Variants in GRB2 observed in about 807,000 individuals in gnomAD.
The protein encoded by GRB2 is growth factor receptor-bound protein 2.
Under a neutral mutation model 27.4 loss-of-function variants are expected in GRB2, and 2 were observed. The ratio of observed to expected loss-of-function variants is 0.07; its 90% CI spans 0.03 to 0.23. The LOEUF is 0.23. Ranked by LOEUF, GRB2 falls within the 10% of genes least tolerant of loss-of-function variation. The probability of loss-of-function intolerance (pLI) is 1.00; values close to 1 mark genes in which losing one functional copy is unlikely to be tolerated. For synonymous variants in GRB2, 94 were observed against 99.6 expected (o/e 0.94, Z 0.33); for missense variants, 102 against 282.4 (o/e 0.36, Z 4.58).
At chr17:75,330,560 G>C (rs561981841) in intron 3 of GRB2, among the ~76,000 whole-genome samples, 1 of 152,224 alleles carries the variant, frequency 6.6e-6, no homozygotes, top group South Asian at 2.1e-4. Flanking sequence ...TGTAGTCCCA[G>C]CTACTCGGCA....
At chr17:75,332,857 G>C in intron 2 of GRB2, 60 bp from the exon 3 acceptor site, 1 of 1,088,352 alleles carries the variant, frequency 9.2e-7, no homozygotes, top group Non-Finnish European at 1.4e-6. Context: ...TAAAAAGATA[G>C]TTACAAGACA....
chr17:75,404,411 G>T (rs990878165), intron 1 of GRB2, among the ~76,000 whole-genome samples: 1 of 152,040 alleles, frequency 6.6e-6, no homozygotes, highest in South Asian at 2.1e-4. Flanking sequence ...AGCAAGGAAA[G>T]AGAGTCTCTT....
intron 2 of GRB2, among the ~76,000 whole-genome samples, chr17:75,350,656 T>C (rs1354719694): frequency 6.6e-6 from 1 of 152,118 alleles, no homozygotes; most frequent in Non-Finnish European, 1.5e-5. Flanking sequence ...CACGCGCAGC[T>C]AATTTTTTTG....
At chr17:75,343,536 G>C (rs183396211) in intron 2 of GRB2, among the ~76,000 whole-genome samples, 1 of 152,134 alleles carries the variant, frequency 6.6e-6, no homozygotes, top group Non-Finnish European at 1.5e-5. Context: ...AAGATAACTA[G>C]GATATGCTCA....
intron 2 of GRB2, among the ~76,000 whole-genome samples, chr17:75,341,188 T>G (rs2078618385): frequency 6.6e-6 from 1 of 152,016 alleles, no homozygotes; most frequent in Non-Finnish European, 1.5e-5. Context: ...TCCCAGCACT[T>G]TGGCATGCTG....
At chr17:75,390,107 A>G (rs1352034215) in intron 2 of GRB2, among the ~76,000 whole-genome samples, 1 of 152,196 alleles carries the variant, frequency 6.6e-6, no homozygotes, top group Non-Finnish European at 1.5e-5. Context: ...TGCTTTGAAG[A>G]TCTCAATGTG....
At chr17:75,385,810 C>G (rs183954969) in intron 2 of GRB2, among the ~76,000 whole-genome samples, 16 of 152,316 alleles carry the variant, frequency 1.1e-4, no homozygotes, top group Admixed American at 9.8e-4. Context: ...TCCATTTAAA[C>G]GTTTCTCTGT....
intron 2 of GRB2, among the ~76,000 whole-genome samples, chr17:75,358,916 A>ATAAAT (rs1555611094): frequency 0.049 from 3,846 of 77,944 alleles, 272 homozygotes; most frequent in Non-Finnish European, 0.08. Context: ...TATATATATA[A>ATAAAT]ATATATATAT....
intron 2 of GRB2, among the ~76,000 whole-genome samples, chr17:75,377,920 C>T (rs1016587596): frequency 2.0e-5 from 3 of 152,120 alleles, no homozygotes; most frequent in East Asian, 1.9e-4. Flanking sequence ...AAACAACCCA[C>T]GAAGAAACAA....
chr17:75,362,831 C>A (rs1282340158), intron 2 of GRB2, among the ~76,000 whole-genome samples: 1 of 152,164 alleles, frequency 6.6e-6, no homozygotes, highest in Non-Finnish European at 1.5e-5. Flanking sequence ...CCACCTCCAG[C>A]CAAGCTCACC....
At chr17:75,366,684 C>T (rs1476980398) in intron 2 of GRB2, among the ~76,000 whole-genome samples, 1 of 151,908 alleles carries the variant, frequency 6.6e-6, no homozygotes, top group Admixed American at 6.6e-5. Flanking sequence ...GTAGTGCATG[C>T]CTGTAGTTTC....
At chr17:75,387,947 GTC>G (rs565751864) in intron 2 of GRB2, among the ~76,000 whole-genome samples, 127 of 152,200 alleles carry the variant, frequency 8.3e-4, no homozygotes, top group African/African-American at 3.0e-3. Flanking sequence ...TCTTCAGCCA[GTC>G]TCCCAAAAAG....
intron 2 of GRB2, among the ~76,000 whole-genome samples, chr17:75,352,492 T>C (rs762301199): frequency 6.6e-6 from 1 of 152,182 alleles, no homozygotes; most frequent in Admixed American, 6.5e-5. Flanking sequence ...GAAATGTGTG[T>C]ACAATCCCAT....
intron 2 of GRB2, among the ~76,000 whole-genome samples, chr17:75,354,235 A>T (rs2078714030): frequency 8.2e-6 from 1 of 122,400 alleles, no homozygotes; most frequent in Admixed American, 1.1e-4. Flanking sequence ...AGAGTTGTAC[A>T]AGCAAAGTTT....
chr17:75,335,096 G>A (rs140140782), intron 2 of GRB2, among the ~76,000 whole-genome samples: 2 of 152,080 alleles, frequency 1.3e-5, no homozygotes, highest in African/African-American at 4.8e-5. Context: ...GAGCCACTGC[G>A]ATTGGCCAAA....
In GRB2 at chr17:75,347,763, T is replaced by C. The variant is rs117064773; in HGVS notation, c.79-14966A>G. On this transcript the variant is annotated intron_variant, in intron 2 of 5. Coordinates refer to ENST00000316804, the MANE Select transcript of GRB2 (RefSeq NM_002086.5). ...GCTGAGCTGGTGCGCAACCAAGACT[T>C]AGCCTGAGTGGGCTGAGTGTGGAGG... Among the ~76,000 whole-genome samples the C allele has an allele frequency of 4.1e-4, 63 of 152,300 alleles. 2 individuals carry two copies. The East Asian group carries it at 0.011, about 28-fold the overall frequency.
intron 1 of GRB2, 44 bp downstream of exon 1, chr17:75,405,445 G>A (rs1220607970): frequency 1.3e-5 from 2 of 152,278 alleles, no homozygotes; most frequent in East Asian, 1.9e-4. Flanking sequence ...GAGCCAAGAG[G>A]AAAAGGCACG....
intron 2 of GRB2, among the ~76,000 whole-genome samples, chr17:75,350,905 G>T (rs1425776612): frequency 6.6e-6 from 1 of 152,186 alleles, no homozygotes; most frequent in African/African-American, 2.4e-5. Context: ...GCAGAGGAAT[G>T]CGCAGGTGCA....
chr17:75,330,537 G>A (rs765892872), intron 3 of GRB2, among the ~76,000 whole-genome samples: 7 of 152,094 alleles, frequency 4.6e-5, no homozygotes, highest in Non-Finnish European at 7.4e-5. Context: ...CGACGGGAGT[G>A]GAGGCACGCG....
Sources: gnomAD v4.1 joint callset for allele counts (sites outside exome capture counted in the v4.1 genomes callset) on GRCh38, gnomAD v4.1.1 for gene constraint, MANE v1.5 for transcripts, NCBI Gene and HGNC (gene_info 2026-07-23, HGNC 2026-07-21) for gene names.